The following REC114 variants were observed in gnomAD, a reference collection of about 807,000 sequenced individuals.
REC114 encodes the protein REC114 meiotic recombination protein, also known as meiotic recombination protein REC114.
REC114 carries 27 observed loss-of-function variants against 31.3 expected under a neutral mutation model. The observed-to-expected ratio is 0.86, with a 90% CI of 0.64 to 1.19. REC114 has a LOEUF of 1.19. REC114 is among the 50% of genes most tolerant of loss of function. The pLI is 0.00. For missense variants in REC114, 344 were observed against 326.9 expected (o/e 1.05, Z -0.40); for synonymous variants, 134 against 127.7 (o/e 1.05, Z -0.33).
At chr15:73,508,132 G>C (rs182207785) in intron 2 of REC114, among the ~76,000 whole-genome samples, 1 of 152,144 alleles carries the variant, frequency 6.6e-6, no homozygotes, top group East Asian at 1.9e-4. Flanking sequence ...TGAGGTCAGA[G>C]ATTATGTCTT....
At chr15:73,554,773 G>A (rs369149008) in intron 4 of REC114, among the ~76,000 whole-genome samples, 1 of 152,218 alleles carries the variant, frequency 6.6e-6, no homozygotes, top group Non-Finnish European at 1.5e-5. Flanking sequence ...CCTAGAGCCC[G>A]CTAGCCTCAG....
rs183640953 is a variant in REC114 at position 73,448,801 on chromosome 15, G to A, written c.159+5457G>A. ...TCTGGGACAAAGCTTCCAGAGTAAG[G>A]AACAGGCAGCAGCCTGTTCTGCAGC... On this transcript the variant is annotated intron_variant, in intron 1 of 5. Transcript: ENST00000331090. Among the ~76,000 whole-genome samples the A allele has an allele frequency of 2.7e-3, 408 of 152,236 alleles. 2 individuals are homozygous for A. The highest frequency in any genetic ancestry group is 9.5e-3 in the African/African-American group (393 of 41,548).
At position 73,534,556 on chromosome 15, in the gene REC114, A is replaced by C. The variant is rs530560423; in HGVS notation, c.250-5929A>C. Among the ~76,000 whole-genome samples the C allele has an allele frequency of 1.3e-3, 198 of 152,208 alleles. 1 individual carries two copies. The highest frequency in any genetic ancestry group is 2.3e-3 in the Non-Finnish European group (156 of 67,984). ...ATAATCAATAGCTTACCAACCAAAAAGAGTCCAGGACCAGATGGATTCACA... is the reference window on the plus strand; with the variant it reads ...ATAATCAATAGCTTACCAACCAAAACGAGTCCAGGACCAGATGGATTCACA... On this transcript the variant is annotated intron_variant, in intron 2 of 5. Coordinates refer to ENST00000331090, the MANE Select transcript of REC114 (RefSeq NM_001042367.2).
At chr15:73,506,307 A>G (rs1378215217) in intron 2 of REC114, among the ~76,000 whole-genome samples, 1 of 152,116 alleles carries the variant, frequency 6.6e-6, no homozygotes, top group Non-Finnish European at 1.5e-5. Flanking sequence ...AAGCTCTGTT[A>G]TGTTGTCTTG....
intron 2 of REC114, among the ~76,000 whole-genome samples, chr15:73,507,042 T>C (rs561804787): frequency 6.7e-4 from 102 of 152,166 alleles, no homozygotes; most frequent in African/African-American, 2.4e-3. Flanking sequence ...AATTCAAAAC[T>C]TTCTGCATGG....
intron 1 of REC114, among the ~76,000 whole-genome samples, chr15:73,457,647 C>T (rs977234778): frequency 4.6e-5 from 7 of 152,220 alleles, no homozygotes; most frequent in African/African-American, 1.4e-4. Flanking sequence ...TTACGTGATA[C>T]CTATTGACTT....
At chr15:73,509,198 A>G (rs1427284224) in intron 2 of REC114, among the ~76,000 whole-genome samples, 1 of 152,166 alleles carries the variant, frequency 6.6e-6, no homozygotes, top group South Asian at 2.1e-4. Context: ...ATGGCCAGTG[A>G]TGATGAGCAT....
At chr15:73,538,537 A>C (rs935704620) in intron 2 of REC114, among the ~76,000 whole-genome samples, 13 of 149,518 alleles carry the variant, frequency 8.7e-5, no homozygotes, top group African/African-American at 3.2e-4. Context: ...GCTCACTGCA[A>C]GCTTTGCCTC....
chr15:73,550,193 T>A (rs1894368539), intron 3 of REC114, among the ~76,000 whole-genome samples: 1 of 152,256 alleles, frequency 6.6e-6, no homozygotes, highest in African/African-American at 2.4e-5. Context: ...GAAACTATTC[T>A]AAAATGGTTT....
At chr15:73,499,990 T>C (rs955697551) in intron 2 of REC114, among the ~76,000 whole-genome samples, 3 of 152,126 alleles carry the variant, frequency 2.0e-5, no homozygotes, top group Non-Finnish European at 4.4e-5. Context: ...CATGCATCCA[T>C]CACCCAACTT....
chr15:73,557,043 T>C (rs949502666), intron 5 of REC114, among the ~76,000 whole-genome samples: 8 of 151,040 alleles, frequency 5.3e-5, no homozygotes, highest in Non-Finnish European at 7.4e-5. Context: ...TGTGTGAAGT[T>C]CATCAATCTT....
chr15:73,503,526 C>A (rs1893630840), intron 2 of REC114, among the ~76,000 whole-genome samples: 3 of 152,086 alleles, frequency 2.0e-5, no homozygotes, highest in African/African-American at 7.2e-5. Context: ...TAAGATTGAT[C>A]ATGAATAAAT....
chr15:73,448,091 G>C (rs1376987889), intron 1 of REC114, among the ~76,000 whole-genome samples: 1 of 149,450 alleles, frequency 6.7e-6, no homozygotes, highest in African/African-American at 2.5e-5. Context: ...AGCTGCAGGA[G>C]TTTGTTTGTT....
At chr15:73,556,458 C>T (rs1331942658) in intron 5 of REC114, 67 bp downstream of exon 5, 1 of 1,330,330 alleles carries the variant, frequency 7.5e-7, no homozygotes, top group Non-Finnish European at 1.1e-6. Context: ...ATTTGTATCC[C>T]TTTGTTCAAT....
intron 2 of REC114, among the ~76,000 whole-genome samples, chr15:73,527,282 C>T (rs1229818655): frequency 1.3e-5 from 2 of 152,168 alleles, no homozygotes; most frequent in African/African-American, 2.4e-5. Context: ...TATGGTATTT[C>T]GTTCTGCATA....
chr15:73,536,981 T>C (rs556879524), intron 2 of REC114, among the ~76,000 whole-genome samples: 3 of 152,354 alleles, frequency 2.0e-5, no homozygotes, highest in African/African-American at 7.2e-5. Context: ...ACCCAGGTAG[T>C]GAGCATAGTA....
intron 4 of REC114, among the ~76,000 whole-genome samples, chr15:73,552,561 A>C (rs1894407483): frequency 6.6e-6 from 1 of 152,220 alleles, no homozygotes; most frequent in Admixed American, 6.5e-5. Flanking sequence ...TGAAGGCCTC[A>C]TAAGGGGTCT....
chr15:73,517,087 G>A (rs1391773829), intron 2 of REC114, among the ~76,000 whole-genome samples: 1 of 152,156 alleles, frequency 6.6e-6, no homozygotes, highest in Non-Finnish European at 1.5e-5. Flanking sequence ...TGTCTTAAGA[G>A]GTTTCAGGTC....
intron 1 of REC114, among the ~76,000 whole-genome samples, chr15:73,447,648 A>AAATAAAT (rs368430483): frequency 7.0e-6 from 1 of 143,308 alleles, no homozygotes; most frequent in Non-Finnish European, 1.5e-5. Flanking sequence ...ACTCTGTCTC[A>AAATAAAT]AAATAAATAA....
Sources: gnomAD v4.1 joint callset for allele counts (sites outside exome capture counted in the v4.1 genomes callset) on GRCh38, gnomAD v4.1.1 for gene constraint, MANE v1.5 for transcripts, NCBI Gene and HGNC (gene_info 2026-07-23, HGNC 2026-07-21) for gene names.